Variants in SLC41A3 observed in about 807,000 individuals in gnomAD.
The protein encoded by SLC41A3 is SLC41A1-like 2.
Under a neutral mutation model 45.4 loss-of-function variants are expected in SLC41A3, and 44 were observed. The ratio of observed to expected loss-of-function variants is 0.97; its 90% CI spans 0.76 to 1.25. The LOEUF (loss-of-function observed/expected upper bound fraction) is 1.25, where lower values mean the gene tolerates loss of function less well. SLC41A3 is among the 50% of genes most tolerant of loss of function. The pLI is 0.00. For synonymous variants in SLC41A3, 256 were observed against 252.4 expected (o/e 1.01, Z -0.13); for missense variants, 550 against 600.6 (o/e 0.92, Z 0.88).
chr3:126,090,256 C>T (rs1298367380), intron 1 of SLC41A3, among the ~76,000 whole-genome samples: 5 of 151,942 alleles, frequency 3.3e-5, no homozygotes, highest in African/African-American at 1.2e-4. Flanking sequence ...CCAGCAAAGC[C>T]AACTTAGAAG....
chr3:126,086,382 C>T (rs1945388054), upstream of SLC41A3, among the ~76,000 whole-genome samples: 1 of 125,218 alleles, frequency 8.0e-6, no homozygotes, highest in African/African-American at 2.9e-5. Flanking sequence ...TGGATCTAAC[C>T]TATTTTTCTT....
intron 2 of SLC41A3, among the ~76,000 whole-genome samples, chr3:126,065,487 C>T (rs1487320680): frequency 1.3e-5 from 2 of 152,204 alleles, no homozygotes; most frequent in South Asian, 2.1e-4. Flanking sequence ...CAGACCAGCA[C>T]GACAGCTGTG....
intron 1 of SLC41A3, among the ~76,000 whole-genome samples, chr3:126,098,925 CTTTTTTTTTT>C (rs57262035): frequency 9.1e-6 from 1 of 109,666 alleles, no homozygotes; most frequent in East Asian, 2.8e-4. Context: ...CATGACCTGG[CTTTTTTTTTT>C]TTTTTTTTTT....
intron 3 of SLC41A3, among the ~76,000 whole-genome samples, chr3:126,037,253 G>A (rs1484511487): frequency 2.0e-5 from 3 of 152,192 alleles, no homozygotes; most frequent in African/African-American, 4.8e-5. Context: ...ATGAATGGAA[G>A]CTTCCTGAGG....
At chr3:126,020,598 C>CTTCCT (rs1456904829) in intron 6 of SLC41A3, among the ~76,000 whole-genome samples, 2 of 152,224 alleles carry the variant, frequency 1.3e-5, no homozygotes, top group African/African-American at 4.8e-5. Flanking sequence ...TCAGCCAGGG[C>CTTCCT]ACTCTTAAAA....
chr3:126,101,363 A>T (rs946067042), intron 1 of SLC41A3: 51 of 152,404 alleles, frequency 3.3e-4, no homozygotes, highest in African/African-American at 1.2e-3. Context: ...TGCAGAGGTT[A>T]TATGACTTAA....
chr3:126,011,300 A>G (rs999428565), intron 9 of SLC41A3, among the ~76,000 whole-genome samples: 2 of 152,218 alleles, frequency 1.3e-5, no homozygotes, highest in Non-Finnish European at 2.9e-5. Flanking sequence ...AATACCCCCA[A>G]AAGTCCCAGA....
Position 126,012,184 on chromosome 3 carries a change from C to T in SLC41A3, c.1105+431G>A, listed in dbSNP as rs75069750. Among the ~76,000 whole-genome samples the T allele has an allele frequency of 4.7e-3, 719 of 152,316 alleles. 14 individuals carry two copies. Among genetic ancestry groups the T allele is most frequent in the Non-Finnish European group, 3.4e-3 (233 of 68,028 alleles). On this transcript the variant is annotated intron_variant, in intron 9 of 10. Transcript: ENST00000360370. Reference sequence around the variant, plus strand: ...GCCCTGAAAGCCCCTTCTTCTCTTGCCCTCCTCCTCCCAACAACACCCACT... The same window carrying T: ...GCCCTGAAAGCCCCTTCTTCTCTTGTCCTCCTCCTCCCAACAACACCCACT...
At chr3:126,067,858 C>T (rs935554729) in intron 2 of SLC41A3, 89 bp downstream of exon 2, 1 of 1,478,750 alleles carries the variant, frequency 6.8e-7, no homozygotes, top group Non-Finnish European at 9.0e-7. Context: ...GCCCGACAAC[C>T]TTTAAGCTCA....
chr3:126,065,484 G>A (rs1018791169), intron 2 of SLC41A3, among the ~76,000 whole-genome samples: 1 of 152,230 alleles, frequency 6.6e-6, no homozygotes, highest in Non-Finnish European at 1.5e-5. Context: ...ATGCAGACCA[G>A]CACGACAGCT....
At chr3:126,076,193 C>T (rs995148465) in intron 1 of SLC41A3, among the ~76,000 whole-genome samples, 1 of 152,148 alleles carries the variant, frequency 6.6e-6, no homozygotes, top group Non-Finnish European at 1.5e-5. Context: ...TGTACAATGG[C>T]CAATAAGCAC....
chr3:126,044,201 A>G (rs1443971976), intron 3 of SLC41A3, among the ~76,000 whole-genome samples: 1 of 152,234 alleles, frequency 6.6e-6, no homozygotes, highest in Non-Finnish European at 1.5e-5. Flanking sequence ...TGCAAGATAC[A>G]AAGAAAGACA....
intron 2 of SLC41A3, among the ~76,000 whole-genome samples, chr3:126,065,203 C>G (rs1163083660): frequency 6.6e-6 from 1 of 152,226 alleles, no homozygotes; most frequent in African/African-American, 2.4e-5. Flanking sequence ...CTGGCCAGCA[C>G]GTGGATTTCA....
At chr3:126,089,148 T>G (rs1232863571), upstream of SLC41A3, among the ~76,000 whole-genome samples, 1 of 152,216 alleles carries the variant, frequency 6.6e-6, no homozygotes, top group Non-Finnish European at 1.5e-5. Context: ...ACCGAAGTCA[T>G]GGTAAATTTG....
intron 3 of SLC41A3, among the ~76,000 whole-genome samples, chr3:126,050,459 C>G (rs1423643288): frequency 2.0e-5 from 3 of 152,182 alleles, no homozygotes; most frequent in Non-Finnish European, 4.4e-5. Context: ...TTCAAGAGCC[C>G]AGAGAAGACA....
rs750462077 is a variant in SLC41A3, at chr3:126,026,784, G to A, written c.454-305C>T. ...TTGGTCAGGGGCCACCTGGTATCTT[G>A]CTGGCAACTCCACTCTCACTGGTCT... On this transcript the variant is annotated intron_variant, in intron 4 of 10. Coordinates refer to ENST00000360370, the MANE Select transcript of SLC41A3 (RefSeq NM_017836.4). This position sits in a 1 kb window ranked among gnomAD's most constrained non-coding sequence, Gnocchi z 4.2. 6.6e-6 allele frequency among the ~76,000 whole-genome samples: 1 copy of A among 152,170 alleles called. No individual in the cohort carries two copies. Among genetic ancestry groups the A allele is most frequent in the Non-Finnish European group, 1.5e-5 (1 of 68,044 alleles).
intron 1 of SLC41A3, among the ~76,000 whole-genome samples, chr3:126,076,738 G>A (rs1944897463): frequency 6.6e-6 from 1 of 152,064 alleles, no homozygotes; most frequent in Non-Finnish European, 1.5e-5. Flanking sequence ...ACCATTCCTC[G>A]ATCTGTTTTA....
chr3:126,095,172 T>C (rs1451544761), intron 1 of SLC41A3: 2 of 684,004 alleles, frequency 2.9e-6, no homozygotes, highest in Non-Finnish European at 5.3e-6. Context: ...GTAGAGGTTA[T>C]GCTTATGTCT....
At chr3:126,063,858 C>A (rs954191252) in intron 2 of SLC41A3, among the ~76,000 whole-genome samples, 6 of 151,692 alleles carry the variant, frequency 4.0e-5, no homozygotes, top group African/African-American at 1.2e-4. Context: ...GGCACATGGG[C>A]CCCTCACTTC....
Sources: gnomAD v4.1 joint callset for allele counts (sites outside exome capture counted in the v4.1 genomes callset) on GRCh38, gnomAD v4.1.1 for gene constraint, Gnocchi (gnomAD v3.1) non-coding constraint, MANE v1.5 for transcripts, NCBI Gene and HGNC (gene_info 2026-07-23, HGNC 2026-07-21) for gene names.